AMMECR1: variants seen among roughly 807,000 people sequenced by gnomAD.
AMMECR1 encodes the protein nuclear protein AMMECR1.
Under a neutral mutation model 22.5 loss-of-function variants are expected in AMMECR1, and 3 were observed. The observed-to-expected ratio is 0.13, with a 90% CI of 0.06 to 0.35. The LOEUF is 0.35. Among genes scored for constraint, AMMECR1 ranks in the 10% least tolerant of loss-of-function variants. The probability of loss-of-function intolerance (pLI) is 1.00; values close to 1 mark genes in which losing one functional copy is unlikely to be tolerated. For missense variants in AMMECR1, 235 were observed against 278.7 expected (o/e 0.84, Z 1.12); for synonymous variants, 130 against 116.7 (o/e 1.11, Z -0.74).
At chrX:110,388,114 G>A (rs1006007254) in intron 2 of AMMECR1, among the ~76,000 whole-genome samples, 23 of 110,911 alleles carry the variant, frequency 2.1e-4, no homozygotes, top group African/African-American at 7.2e-4. Flanking sequence ...TGATCTGCCC[G>A]CCTCAGCCTC....
At chrX:110,369,347 GA>G (rs1300769173) in intron 2 of AMMECR1, among the ~76,000 whole-genome samples, 1 of 110,881 alleles carries the variant, frequency 9.0e-6, no homozygotes. Context: ...AAGAAAAAAA[GA>G]AAAAAAGAAA....
Position 110,359,900 on chromosome X carries a change from TACTTAGA to T in AMMECR1, c.-147-42058_-147-42052del, listed in dbSNP as rs1284961175. Among the ~76,000 whole-genome samples, 4 of 111,775 alleles carry T rather than the reference TACTTAGA, an allele frequency of 3.6e-5. No homozygotes were observed. In the Admixed American group the frequency reaches 3.8e-4, roughly 11 times the overall value. ...GAGACTTGAACTTGGCATAGAAGGG[TACTTAGA>T]ACTTAGAGAAGAGAATGGAGCAGCA... On this transcript the variant is annotated intron_variant, in intron 2 of 7. Coordinates refer to the AMMECR1 transcript ENST00000372057.
chrX:110,295,929 G>T (rs1252530905), intron 1 of AMMECR1, among the ~76,000 whole-genome samples: 1 of 111,723 alleles, frequency 9.0e-6, no homozygotes, highest in African/African-American at 3.2e-5. Context: ...TGCAGCTGCT[G>T]TCTTTCAAAT....
intron 2 of AMMECR1, among the ~76,000 whole-genome samples, chrX:110,340,482 A>G (rs1431007830): frequency 1.8e-5 from 2 of 111,951 alleles, no homozygotes; most frequent in African/African-American, 3.3e-5. Context: ...CTTGCTGAGG[A>G]GGGCAACTGT....
Position 110,363,927 on chromosome X carries a change from T to C in AMMECR1, c.-147-46078A>G, listed in dbSNP as rs2068280413. 8.1e-5 allele frequency among the ~76,000 whole-genome samples: 9 copies of C among 111,440 alleles called. 1 individual carries two copies. The highest frequency in any genetic ancestry group is 3.8e-4 in the Admixed American group (4 of 10,510). ...ATGACGGAACTGAGGCTCAGAGAGG[T>C]TATGTGACTTAAGCCCATAAAACGG... On this transcript the variant is annotated intron_variant, in intron 2 of 7. Transcript: ENST00000372057.
chrX:110,435,759 T>A (rs1459411267), intron 1 of AMMECR1, among the ~76,000 whole-genome samples: 1 of 112,227 alleles, frequency 8.9e-6, no homozygotes. Context: ...ACACTCATCA[T>A]CTCATTTATT....
upstream of AMMECR1, among the ~76,000 whole-genome samples, chrX:110,322,690 C>T (rs188167699): frequency 1.8e-3 from 206 of 111,471 alleles, 1 homozygote; most frequent in Admixed American, 3.6e-3. Flanking sequence ...CTCATGGCAC[C>T]GAGGAGCAGA....
chrX:110,313,573 T>C (rs904141234), intron 1 of AMMECR1, among the ~76,000 whole-genome samples: 16 of 112,356 alleles, frequency 1.4e-4, no homozygotes, highest in African/African-American at 4.9e-4. Context: ...GAAAGAATCA[T>C]AAGAGCATTT....
At chrX:110,428,604 C>G (rs2068771477) in intron 1 of AMMECR1, among the ~76,000 whole-genome samples, 1 of 111,258 alleles carries the variant, frequency 9.0e-6, no homozygotes. Context: ...GAACACTCCC[C>G]CCCTCTCCAA....
chrX:110,338,603 C>G (rs989812595), intron 2 of AMMECR1, among the ~76,000 whole-genome samples: 2 of 111,493 alleles, frequency 1.8e-5, no homozygotes, highest in African/African-American at 6.5e-5. Context: ...TTACACAGCC[C>G]GTAACATCAG....
chrX:110,402,046 C>T (rs2068568925), intron 2 of AMMECR1, among the ~76,000 whole-genome samples: 2 of 112,270 alleles, frequency 1.8e-5, no homozygotes, highest in Non-Finnish European at 3.8e-5. Flanking sequence ...CCAGTACGCT[C>T]AACCTTTGGC....
chrX:110,278,657 A>G (rs1275725997), intron 1 of AMMECR1, among the ~76,000 whole-genome samples: 3 of 111,922 alleles, frequency 2.7e-5, no homozygotes. Context: ...GTAGCCACCA[A>G]TAAGCACCAG....
At chrX:110,325,212 ATT>A (rs2068093485) in intron 2 of AMMECR1, among the ~76,000 whole-genome samples, 1 of 112,082 alleles carries the variant, frequency 8.9e-6, no homozygotes, top group Admixed American at 9.4e-5. Context: ...TACATGAGAT[ATT>A]TTGATACTAG....
At chrX:110,304,024 GT>G (rs920372236) in intron 1 of AMMECR1, among the ~76,000 whole-genome samples, 1 of 112,197 alleles carries the variant, frequency 8.9e-6, no homozygotes, top group Admixed American at 9.4e-5. Context: ...AATTTTGCTT[GT>G]TTTTTTCTTC....
chrX:110,382,711 C>T (rs1447941895), intron 2 of AMMECR1, among the ~76,000 whole-genome samples: 1 of 111,552 alleles, frequency 9.0e-6, no homozygotes, highest in African/African-American at 3.3e-5. Flanking sequence ...CCTCTGCATT[C>T]AATTTGTCAC....
At chrX:110,362,205 G>A (rs1368897413) in intron 2 of AMMECR1, among the ~76,000 whole-genome samples, 1 of 111,444 alleles carries the variant, frequency 9.0e-6, no homozygotes, top group East Asian at 2.8e-4. Context: ...GCTTTGGATG[G>A]GTTTGCAGCA....
intron 2 of AMMECR1, among the ~76,000 whole-genome samples, chrX:110,421,497 C>T (rs1393863297): frequency 1.8e-5 from 2 of 112,583 alleles, no homozygotes; most frequent in Non-Finnish European, 3.7e-5. Context: ...AGGACTTGTG[C>T]TTTCATTGCA....
rs1339694122 is a variant in AMMECR1, at chrX:110,228,664, C to A, written c.585-12032G>T. 4.5e-5 allele frequency among the ~76,000 whole-genome samples: 5 copies of A among 110,941 alleles called. No homozygotes were observed. In the East Asian group the frequency reaches 1.4e-3, roughly 31 times the overall value. ...CACGTGTCAGCATGATGAAGCCAAG[C>A]AGAACTTATAAATTAAGCAGATAAG... On this transcript the variant is annotated intron_variant, in intron 2 of 5. Coordinates refer to ENST00000262844, the MANE Select transcript of AMMECR1 (RefSeq NM_015365.3).
intron 2 of AMMECR1, among the ~76,000 whole-genome samples, chrX:110,375,383 A>G (rs1432776616): frequency 1.8e-5 from 2 of 112,086 alleles, no homozygotes; most frequent in African/African-American, 3.2e-5. Context: ...TGTGCAGATT[A>G]CTTAAACATT....
Sources: gnomAD v4.1 joint callset for allele counts (sites outside exome capture counted in the v4.1 genomes callset) on GRCh38, gnomAD v4.1.1 for gene constraint, MANE v1.5 for transcripts, NCBI Gene and HGNC (gene_info 2026-07-23, HGNC 2026-07-21) for gene names.